The following RSU1 variants were observed in gnomAD, a reference collection of about 807,000 sequenced individuals.
The protein encoded by RSU1 is Ras suppressor protein 1.
RSU1 carries 26 observed loss-of-function variants against 31.1 expected under a neutral mutation model. The ratio of observed to expected loss-of-function variants is 0.84; its 90% confidence interval spans 0.61 to 1.16. RSU1 has a LOEUF of 1.16. Among genes scored for constraint, RSU1 ranks in the 50% most tolerant of loss-of-function variants. The pLI is 0.00. For missense variants in RSU1, 320 were observed against 339.1 expected, an observed-to-expected ratio of 0.94 and a Z score of 0.44; for synonymous variants, 164 against 136.3, an observed-to-expected ratio of 1.20 and a Z score of -1.41.
intron 8 of RSU1, among the ~76,000 whole-genome samples, chr10:16,656,990 G>A (rs1293549632): frequency 3.3e-5 from 5 of 152,136 alleles, no homozygotes; most frequent in Admixed American, 2.6e-4. Flanking sequence ...TTTAAATCTT[G>A]GAAATATGCA....
intron 2 of RSU1, among the ~76,000 whole-genome samples, chr10:16,816,679 A>T (rs944275879): frequency 6.6e-6 from 1 of 152,260 alleles, no homozygotes; most frequent in Non-Finnish European, 1.5e-5. Flanking sequence ...ATTTATAATT[A>T]AAGTGACTAT....
rs569506098 is a variant in RSU1, at chr10:16,625,639, G to A, written c.732-32143C>T. Among the ~76,000 whole-genome samples, 7 of 152,292 alleles carry A rather than the reference G, an allele frequency of 4.6e-5. No homozygotes were observed. The East Asian group carries it at 9.6e-4, about 21-fold the overall frequency. ...GTCCTGGTGGAAGTGTCCCCTGTCAGTCTCAAAAATGTCTTTGCCTGGCCA... is the reference window on the plus strand; with the variant it reads ...GTCCTGGTGGAAGTGTCCCCTGTCAATCTCAAAAATGTCTTTGCCTGGCCA... On this transcript the variant is annotated intron_variant, in intron 8 of 8. Coordinates refer to ENST00000345264, the MANE Select transcript of RSU1 (RefSeq NM_012425.4).
At chr10:16,701,533 G>A (rs938887450) in intron 7 of RSU1, among the ~76,000 whole-genome samples, 4 of 152,102 alleles carry the variant, frequency 2.6e-5, no homozygotes, top group African/African-American at 9.7e-5. Flanking sequence ...TACATTTAAT[G>A]CATGCATTGC....
chr10:16,713,263 C>A lies in RSU1; in HGVS notation c.599-18108G>T, dbSNP rs117832172. Among the ~76,000 whole-genome samples the A allele has an allele frequency of 5.3e-3, 806 of 152,340 alleles. 3 individuals carry two copies. The highest frequency in any genetic ancestry group is 0.044 in the Middle Eastern group (13 of 294). Reference sequence around the variant, plus strand: ...TTTCTGCCAAGACTAGGGAAGTTTTCATCTATTATTTCATTACATAGGTTT... The same window carrying A: ...TTTCTGCCAAGACTAGGGAAGTTTTAATCTATTATTTCATTACATAGGTTT... On this transcript the variant is annotated intron_variant, in intron 7 of 8. Coordinates refer to ENST00000345264, the MANE Select transcript of RSU1 (RefSeq NM_012425.4).
At chr10:16,685,703 C>T (rs537620945) in intron 8 of RSU1, among the ~76,000 whole-genome samples, 2 of 152,184 alleles carry the variant, frequency 1.3e-5, no homozygotes, top group South Asian at 4.2e-4. Flanking sequence ...CTTTATGACC[C>T]GTATTTTGTG....
chr10:16,795,919 C>T (rs1019582197), intron 2 of RSU1, among the ~76,000 whole-genome samples: 6 of 152,196 alleles, frequency 3.9e-5, no homozygotes, highest in Non-Finnish European at 5.9e-5. Flanking sequence ...CTCCATTCTC[C>T]GCTTGAGCAG....
At chr10:16,621,530 A>C (rs989768933) in intron 8 of RSU1, among the ~76,000 whole-genome samples, 23 of 152,216 alleles carry the variant, frequency 1.5e-4, no homozygotes, top group Admixed American at 1.5e-3. Flanking sequence ...ACTGCTAAGA[A>C]AGACATACCC....
intron 8 of RSU1, among the ~76,000 whole-genome samples, chr10:16,634,606 T>A (rs1437528998): frequency 1.3e-5 from 2 of 152,232 alleles, no homozygotes; most frequent in Admixed American, 1.3e-4. Flanking sequence ...TTTTTCTTAC[T>A]GTGTCCAGTA....
At chr10:16,594,585 A>C (rs988073248) in intron 8 of RSU1, among the ~76,000 whole-genome samples, 2 of 147,910 alleles carry the variant, frequency 1.4e-5, no homozygotes, top group Non-Finnish European at 3.0e-5. Context: ...TAATTAAAAA[A>C]AATATATATA....
intron 2 of RSU1, among the ~76,000 whole-genome samples, chr10:16,790,382 G>A (rs556118309): frequency 3.3e-5 from 5 of 152,236 alleles, no homozygotes; most frequent in Admixed American, 6.5e-5. Context: ...CACAACTTAC[G>A]GAACAGAGAA....
chr10:16,706,239 A>C (rs566582463), intron 7 of RSU1, among the ~76,000 whole-genome samples: 1 of 152,338 alleles, frequency 6.6e-6, no homozygotes, highest in South Asian at 2.1e-4. Flanking sequence ...AACAGTGCTC[A>C]AGGGTTCCCA....
intron 2 of RSU1, among the ~76,000 whole-genome samples, chr10:16,784,554 G>A (rs189430120): frequency 4.1e-4 from 63 of 152,218 alleles, no homozygotes; most frequent in African/African-American, 1.3e-3. Context: ...CTGTTCTCAC[G>A]CTGCTAGTAA....
chr10:16,775,200 C>T (rs1485636071), intron 3 of RSU1, among the ~76,000 whole-genome samples: 1 of 151,186 alleles, frequency 6.6e-6, no homozygotes, highest in East Asian at 1.9e-4. Flanking sequence ...TGAAAATGTA[C>T]GTATAATATT....
At chr10:16,610,372 C>T (rs1354686731) in intron 8 of RSU1, among the ~76,000 whole-genome samples, 2 of 152,216 alleles carry the variant, frequency 1.3e-5, no homozygotes, top group African/African-American at 2.4e-5. Context: ...TCCTGTCATC[C>T]TGGCACTTGG....
chr10:16,709,101 C>T (rs1835965311), intron 7 of RSU1, among the ~76,000 whole-genome samples: 2 of 151,634 alleles, frequency 1.3e-5, no homozygotes, highest in African/African-American at 4.8e-5. Context: ...CCCATTAACT[C>T]GTCATTTAGC....
chr10:16,778,760 A>T (rs953723856), intron 3 of RSU1, among the ~76,000 whole-genome samples: 2 of 152,100 alleles, frequency 1.3e-5, no homozygotes, highest in African/African-American at 4.8e-5. Flanking sequence ...GGGGGACAGA[A>T]GATGATCCAT....
chr10:16,646,006 G>T lies in RSU1; in HGVS notation c.731+49017C>A, dbSNP rs186259452. On this transcript the variant is annotated intron_variant, in intron 8 of 8. Transcript: ENST00000345264. The stretch of plus-strand genomic sequence containing the variant: ...TATACATATATGTGTATATATATGT[G>T]TATATACATATATGTGTATATATAT... 3.9e-4 allele frequency among the ~76,000 whole-genome samples: 21 copies of T among 53,314 alleles called. 3 individuals are homozygous for T. The highest frequency in any genetic ancestry group is 1.9e-3 in the African/African-American group (21 of 11,042). 35.0% of individuals were successfully genotyped at this position (53,314 alleles called of 152,430 possible). A position where few individuals can be genotyped will look rare whatever the true frequency, so the allele number is the denominator to read the frequency against.
intron 3 of RSU1, among the ~76,000 whole-genome samples, chr10:16,765,926 A>G (rs575825580): frequency 6.6e-6 from 1 of 152,356 alleles, no homozygotes; most frequent in African/African-American, 2.4e-5. Context: ...TGCCAAACAT[A>G]CATCTAAAAT....
At chr10:16,738,483 C>G (rs950157283) in intron 7 of RSU1, among the ~76,000 whole-genome samples, 2 of 151,996 alleles carry the variant, frequency 1.3e-5, no homozygotes, top group Non-Finnish European at 2.9e-5. Flanking sequence ...AAATCAATCA[C>G]GTAAGCTTTC....
Sources: allele counts gnomAD v4.1 joint callset (sites outside exome capture counted in the v4.1 genomes callset), GRCh38; gene constraint gnomAD v4.1.1; transcripts MANE v1.5; gene names NCBI Gene and HGNC (gene_info 2026-07-23, HGNC 2026-07-21).